SMIM7: variants seen among roughly 807,000 people sequenced by gnomAD.
The protein encoded by SMIM7 is UPF0608 protein C19orf42.
Under a neutral mutation model 13.3 loss-of-function variants are expected in SMIM7, and 12 were observed. The ratio of observed to expected loss-of-function variants is 0.90; its 90% CI spans 0.58 to 1.46. SMIM7 has a LOEUF of 1.46. Ranked by LOEUF, SMIM7 falls within the 40% of genes most tolerant of loss-of-function variation. The pLI is 0.00. For synonymous variants in SMIM7, 36 were observed against 35.8 expected (o/e 1.01, Z -0.02); for missense variants, 114 against 94.8 (o/e 1.20, Z -0.84).
chr19:16,641,377 C>T (rs1013718415), downstream of SMIM7: 1 of 150,802 alleles, frequency 6.6e-6, no homozygotes, highest in African/African-American at 2.4e-5. Flanking sequence ...CGGTTCATCA[C>T]AACCTCTGCT....
In SMIM7 at chr19:16,655,071, TA is replaced by T. The variant is rs1186161829; in HGVS notation, c.122-947del. On this transcript the variant is annotated intron_variant, in intron 3 of 4. Coordinates refer to ENST00000487416, the MANE Select transcript of SMIM7 (RefSeq NM_024104.4). ...CTAACCCCAACTCCAACCCCAACCC[TA>T]ATCTTGAAGGACTGGTTTGACACCT... 3.3e-5 allele frequency among the ~76,000 whole-genome samples: 5 copies of T among 152,130 alleles called. No homozygotes were observed. In the South Asian group the frequency reaches 8.3e-4, roughly 25 times the overall value.
At chr19:16,645,363 C>G (rs1000414602), downstream of SMIM7, 1 of 152,200 alleles carries the variant, frequency 6.6e-6, no homozygotes, top group African/African-American at 2.4e-5. Flanking sequence ...TTTCTTCACA[C>G]CATTCATCTG....
chr19:16,638,541 C>G (rs2086378441), intron 4 of SMIM7, among the ~76,000 whole-genome samples: 1 of 151,952 alleles, frequency 6.6e-6, no homozygotes, highest in Non-Finnish European at 1.5e-5. Context: ...CTCCTGACCT[C>G]AGGTGATCCA....
At chr19:16,639,154 C>T (rs1283271247) in intron 4 of SMIM7, among the ~76,000 whole-genome samples, 1 of 141,686 alleles carries the variant, frequency 7.1e-6, no homozygotes, top group Non-Finnish European at 1.5e-5. Flanking sequence ...CGGAGTCTTG[C>T]TCTGTCGCCC....
downstream of SMIM7, chr19:16,645,620 T>C: frequency 6.6e-6 from 1 of 151,506 alleles, no homozygotes; most frequent in East Asian, 1.9e-4. Context: ...CTTTCAATAC[T>C]TTCAGGAGCA....
chr19:16,650,953 C>T (rs1407740887), intron 4 of SMIM7, among the ~76,000 whole-genome samples: 2 of 152,342 alleles, frequency 1.3e-5, no homozygotes, highest in African/African-American at 4.8e-5. Flanking sequence ...ACCCTCCGGC[C>T]TTCTTCACTT....
At chr19:16,637,836 A>G (rs1420674903) in intron 4 of SMIM7, among the ~76,000 whole-genome samples, 1 of 152,218 alleles carries the variant, frequency 6.6e-6, no homozygotes, top group Non-Finnish European at 1.5e-5. Flanking sequence ...TATGGACTGA[A>G]TTGTGTCACC....
chr19:16,653,831 G>A, intron 4 of SMIM7: 1 of 554,972 alleles, frequency 1.8e-6, no homozygotes, highest in Non-Finnish European at 3.2e-6. Context: ...AGAGGCCGAG[G>A]TTGCAGTGAG....
chr19:16,633,508 C>A (rs2086337057), intron 4 of SMIM7, among the ~76,000 whole-genome samples: 2 of 148,226 alleles, frequency 1.3e-5, no homozygotes, highest in African/African-American at 2.5e-5. Context: ...AAGTTGTACA[C>A]TGCTGTAAAT....
In SMIM7 at chr19:16,659,961, C is replaced by T. The variant is rs372157802; in HGVS notation, c.66G>A (p.Lys22=). 1.3e-5 allele frequency: 21 copies of T among 1,612,350 alleles called. No homozygotes were observed. Among genetic ancestry groups the T allele is most frequent in the Non-Finnish European group, 1.6e-5 (19 of 1,179,436 alleles). The change falls in exon 2 of 5, where the codon AAG becomes AAA. Residue 22 remains lysine (K), a splice_region_variant and synonymous_variant. Coordinates refer to ENST00000487416, the MANE Select transcript of SMIM7 (RefSeq NM_024104.4). ...CAGTCCGGCCGCGACCTACTCACAG[C>T]TTAAAGTTCAGCACCGCCCCGGCAT... ...LMNAGAVLNF[K]LKKKDTQGFG...
chr19:16,632,844 T>C (rs2086331869), intron 4 of SMIM7, among the ~76,000 whole-genome samples: 1 of 152,084 alleles, frequency 6.6e-6, no homozygotes, highest in African/African-American at 2.4e-5. Flanking sequence ...CTGGGAGCAT[T>C]TCAATAAGCT....
At position 16,647,376 on chromosome 19, in the gene SMIM7, TTGTC is replaced by T. The variant is rs571569429; in HGVS notation, c.213-119_213-116del. ...CTATTACTTAGATGATTTTACATGATTGTCTGATTTTTTAAAGTAACCTGTGATC... is the reference window on the plus strand; with the variant it reads ...CTATTACTTAGATGATTTTACATGATTGATTTTTTAAAGTAACCTGTGATC... On this transcript the variant is annotated intron_variant, in intron 4 of 4. Coordinates refer to ENST00000487416, the MANE Select transcript of SMIM7 (RefSeq NM_024104.4). The T allele has an allele frequency of 1.2e-4, 149 of 1,277,162 alleles. No individual in the cohort carries two copies. The East Asian group carries it at 2.9e-3, about 25-fold the overall frequency. 79.1% of individuals were successfully genotyped at this position (1,277,162 alleles called of 1,614,324 possible). A position where few individuals can be genotyped will look rare whatever the true frequency, so the allele number is the denominator to read the frequency against.
rs576000093 is a variant in SMIM7 at position 16,656,656 on chromosome 19, T to C, written c.122-2531A>G. Among the ~76,000 whole-genome samples the C allele has an allele frequency of 8.5e-4, 130 of 152,122 alleles. 1 individual carries two copies. Among genetic ancestry groups the C allele is most frequent in the South Asian group, 7.5e-3 (36 of 4,818 alleles). ...GCTCAAGTCTGTAATCCCAGCACTTTGGGAGGCCAAGGAGGGCAGATCACC... is the reference window on the plus strand; with the variant it reads ...GCTCAAGTCTGTAATCCCAGCACTTCGGGAGGCCAAGGAGGGCAGATCACC... On this transcript the variant is annotated intron_variant, in intron 3 of 4. Coordinates refer to ENST00000487416, the MANE Select transcript of SMIM7 (RefSeq NM_024104.4).
chr19:16,635,943 C>G (rs2086357962), intron 4 of SMIM7, among the ~76,000 whole-genome samples: 1 of 147,078 alleles, frequency 6.8e-6, no homozygotes, highest in Admixed American at 6.8e-5. Flanking sequence ...CACAATTTGA[C>G]CCTGTGTTAG....
intron 2 of SMIM7, 178 bp from the exon 3 acceptor site, chr19:16,659,625 G>T: frequency 1.4e-6 from 1 of 702,782 alleles, no homozygotes; most frequent in Non-Finnish European, 2.4e-6. Context: ...GACAATCACA[G>T]CCAGGTCAGC....
chr19:16,659,730 C>T, intron 2 of SMIM7: 1 of 668,940 alleles, frequency 1.5e-6, no homozygotes, highest in East Asian at 2.7e-5. Flanking sequence ...CTTAAGCTCT[C>T]CAGGAAGGTG....
At chr19:16,650,213 G>A (rs1264768992) in intron 4 of SMIM7, among the ~76,000 whole-genome samples, 2 of 152,112 alleles carry the variant, frequency 1.3e-5, no homozygotes, top group African/African-American at 4.8e-5. Context: ...GAAACACACT[G>A]CCACCACCTA....
At chr19:16,650,403 AACAAC>A (rs1286691990) in intron 4 of SMIM7, among the ~76,000 whole-genome samples, 2 of 152,208 alleles carry the variant, frequency 1.3e-5, no homozygotes, top group Non-Finnish European at 2.9e-5. Flanking sequence ...CCAAAGCTCA[AACAAC>A]ACAAGAGTGG....
At chr19:16,657,629 C>G (rs1031972507) in intron 3 of SMIM7, among the ~76,000 whole-genome samples, 7 of 152,122 alleles carry the variant, frequency 4.6e-5, no homozygotes, top group African/African-American at 1.7e-4. Context: ...GGAAAGTGAC[C>G]ATTATCTTTT....
Sources: gnomAD v4.1 joint callset for allele counts (sites outside exome capture counted in the v4.1 genomes callset) on GRCh38, gnomAD v4.1.1 for gene constraint, MANE v1.5 for transcripts, NCBI Gene and HGNC (gene_info 2026-07-23, HGNC 2026-07-21) for gene names.